IGF2BP2: variants seen among roughly 807,000 people sequenced by gnomAD.
The protein encoded by IGF2BP2 is insulin like growth factor 2 mRNA binding protein 2.
In IGF2BP2, 17 loss-of-function variants were observed where a neutral mutation model predicts 75.8. The ratio of observed to expected loss-of-function variants is 0.22; its 90% CI spans 0.15 to 0.34. IGF2BP2 has a LOEUF of 0.34. IGF2BP2 is among the 10% of genes least tolerant of loss of function. IGF2BP2 has a pLI of 1.00. For missense variants in IGF2BP2, 516 were observed against 772.4 expected (o/e 0.67, Z 3.93); for synonymous variants, 288 against 295.6 (o/e 0.97, Z 0.26).
intron 15 of IGF2BP2, among the ~76,000 whole-genome samples, chr3:185,646,010 GGGGA>G (rs1713458870): frequency 2.6e-5 from 4 of 152,198 alleles, no homozygotes; most frequent in Admixed American, 6.5e-5. Context: ...GTGAGGGACA[GGGGA>G]GGGAGGGAGG....
intron 14 of IGF2BP2, 126 bp downstream of exon 14, chr3:185,649,276 GT>G: frequency 2.3e-6 from 3 of 1,287,292 alleles, no homozygotes; most frequent in Non-Finnish European, 3.2e-6. Flanking sequence ...GAGAGCCTTA[GT>G]TTATCTGCCA....
chr3:185,731,572 C>T (rs1017182366), intron 2 of IGF2BP2, among the ~76,000 whole-genome samples: 14 of 152,038 alleles, frequency 9.2e-5, no homozygotes, highest in African/African-American at 1.4e-4. Flanking sequence ...TTCTAGGTGA[C>T]GGAGGGGAGC....
At chr3:185,667,973 ACT>A (rs1194919879) in intron 10 of IGF2BP2, among the ~76,000 whole-genome samples, 1 of 152,230 alleles carries the variant, frequency 6.6e-6, no homozygotes. Context: ...GCTATTGCAC[ACT>A]TAGACTACAG....
intron 2 of IGF2BP2, chr3:185,728,836 C>T (rs976267672): frequency 1.3e-5 from 2 of 152,184 alleles, no homozygotes; most frequent in African/African-American, 4.8e-5. Context: ...CCTGCACACC[C>T]TTGGAATCCT....
intron 2 of IGF2BP2, among the ~76,000 whole-genome samples, chr3:185,735,387 C>T (rs190923574): frequency 1.3e-5 from 2 of 152,302 alleles, no homozygotes; most frequent in Admixed American, 1.3e-4. Flanking sequence ...TTCAGGTGAT[C>T]CACCTGCCTC....
intron 12 of IGF2BP2, among the ~76,000 whole-genome samples, chr3:185,656,003 C>A (rs1715374997): frequency 6.6e-6 from 1 of 152,252 alleles, no homozygotes; most frequent in Non-Finnish European, 1.5e-5. Flanking sequence ...GTGCCTTGCC[C>A]ATGTCCCGGC....
intron 4 of IGF2BP2, among the ~76,000 whole-genome samples, chr3:185,693,870 C>A (rs1722252113): frequency 6.6e-6 from 1 of 152,176 alleles, no homozygotes; most frequent in Non-Finnish European, 1.5e-5. Flanking sequence ...ATATACGATT[C>A]TTTACACTGG....
At chr3:185,715,312 C>T (rs1725421982) in intron 2 of IGF2BP2, among the ~76,000 whole-genome samples, 1 of 152,164 alleles carries the variant, frequency 6.6e-6, no homozygotes, top group Non-Finnish European at 1.5e-5. Context: ...GCAGGCTGGA[C>T]AGGCTGGCAA....
At chr3:185,743,392 C>T (rs1729831040) in intron 2 of IGF2BP2, among the ~76,000 whole-genome samples, 1 of 152,136 alleles carries the variant, frequency 6.6e-6, no homozygotes, top group East Asian at 1.9e-4. Context: ...TCTCCTGTTT[C>T]AGCCTCCAGA....
intron 2 of IGF2BP2, among the ~76,000 whole-genome samples, chr3:185,783,119 T>TA (rs1214621445): frequency 6.6e-6 from 1 of 152,154 alleles, no homozygotes; most frequent in African/African-American, 2.4e-5. Context: ...GTGATAAGAT[T>TA]AAAGGTTATC....
At chr3:185,767,883 G>C (rs1299293460) in intron 2 of IGF2BP2, 4 of 153,688 alleles carry the variant, frequency 2.6e-5, no homozygotes, top group African/African-American at 9.7e-5. Flanking sequence ...TGAAAGTAAT[G>C]GCAAAAACAG....
At chr3:185,784,826 C>T (rs557551194) in intron 2 of IGF2BP2, among the ~76,000 whole-genome samples, 1 of 152,198 alleles carries the variant, frequency 6.6e-6, no homozygotes, top group East Asian at 1.9e-4. Context: ...TCACTAACCA[C>T]CTACTATGTG....
At chr3:185,686,404 G>A (rs1031575395) in intron 7 of IGF2BP2, among the ~76,000 whole-genome samples, 1 of 151,734 alleles carries the variant, frequency 6.6e-6, no homozygotes, top group African/African-American at 2.4e-5. Flanking sequence ...AAAAGGAGAG[G>A]GGGGTAGTGA....
intron 2 of IGF2BP2, among the ~76,000 whole-genome samples, chr3:185,701,635 T>C (rs1723322134): frequency 6.6e-6 from 1 of 152,168 alleles, no homozygotes; most frequent in Admixed American, 6.5e-5. Flanking sequence ...CTGTAATAGT[T>C]CAAGTAAACA....
intron 2 of IGF2BP2, among the ~76,000 whole-genome samples, chr3:185,709,530 A>T (rs1274930577): frequency 1.3e-5 from 2 of 152,196 alleles, no homozygotes; most frequent in Non-Finnish European, 2.9e-5. Context: ...GTCTTCAAAC[A>T]AGCCAATTTC....
At chr3:185,708,526 A>G (rs1724367333) in intron 2 of IGF2BP2, among the ~76,000 whole-genome samples, 1 of 152,092 alleles carries the variant, frequency 6.6e-6, no homozygotes. Context: ...TAAAGGTATT[A>G]ACTGTAAACT....
intron 2 of IGF2BP2, among the ~76,000 whole-genome samples, chr3:185,773,398 AATAAAT>A (rs1445003001): frequency 6.6e-6 from 1 of 152,200 alleles, no homozygotes; most frequent in African/African-American, 2.4e-5. Context: ...GGAAGTACTA[AATAAAT>A]ATAAATTGTT....
intron 2 of IGF2BP2, chr3:185,713,549 T>C: frequency 3.9e-6 from 2 of 506,896 alleles, no homozygotes; most frequent in Non-Finnish European, 7.8e-6. Context: ...TGGTGAGACA[T>C]CAGAATGAAA....
At chr3:185,727,813 G>C (rs947068807) in intron 2 of IGF2BP2, among the ~76,000 whole-genome samples, 1 of 152,086 alleles carries the variant, frequency 6.6e-6, no homozygotes, top group African/African-American at 2.4e-5. Flanking sequence ...GATACTGGCA[G>C]CCCATTTTAC....
Sources: allele counts gnomAD v4.1 joint callset (sites outside exome capture counted in the v4.1 genomes callset), GRCh38; gene constraint gnomAD v4.1.1; transcripts MANE v1.5; gene names NCBI Gene and HGNC (gene_info 2026-07-23, HGNC 2026-07-21).